MAD1L1: variants seen among roughly 807,000 people sequenced by gnomAD.
MAD1L1 encodes mitotic arrest deficient 1 like 1.
Under a neutral mutation model 96.9 loss-of-function variants are expected in MAD1L1, and 95 were observed. That is an observed-to-expected ratio of 0.98 (90% CI 0.83 to 1.16). The LOEUF is 1.16. MAD1L1 is among the 50% of genes most tolerant of loss of function. MAD1L1 has a pLI of 0.00. For synonymous variants in MAD1L1, 473 were observed against 396.6 expected (o/e 1.19, Z -2.29); for missense variants, 1,007 against 954.4 (o/e 1.06, Z -0.73).
intron 15 of MAD1L1, among the ~76,000 whole-genome samples, chr7:1,978,855 C>T (rs985224133): frequency 6.6e-6 from 1 of 152,176 alleles, no homozygotes; most frequent in African/African-American, 2.4e-5. Flanking sequence ...AAGGACGCCA[C>T]GGCACACACT....
At chr7:2,024,346 A>T (rs1182046439) in intron 12 of MAD1L1, among the ~76,000 whole-genome samples, 1 of 152,042 alleles carries the variant, frequency 6.6e-6, no homozygotes, top group Non-Finnish European at 1.5e-5. Context: ...TGGCCTGCCC[A>T]CCCCCAGCTC....
chr7:2,179,169 G>A (rs1334970663), intron 10 of MAD1L1, among the ~76,000 whole-genome samples: 1 of 152,150 alleles, frequency 6.6e-6, no homozygotes, highest in African/African-American at 2.4e-5. Flanking sequence ...CTCAAGAAGA[G>A]TGCGCCTGGG....
chr7:2,122,425 C>T (rs1049170358), intron 11 of MAD1L1, among the ~76,000 whole-genome samples: 3 of 152,032 alleles, frequency 2.0e-5, no homozygotes, highest in Non-Finnish European at 2.9e-5. Context: ...GTTGGGAGTT[C>T]GAGACCAGCC....
At chr7:2,221,147 T>A in intron 5 of MAD1L1, 1 of 852,140 alleles carries the variant, frequency 1.2e-6, no homozygotes, top group Non-Finnish European at 1.8e-6. Flanking sequence ...TTCCCCTCAC[T>A]ATGCCCCACC....
chr7:1,878,049 G>C (rs1229072706), intron 18 of MAD1L1, among the ~76,000 whole-genome samples: 3 of 152,064 alleles, frequency 2.0e-5, no homozygotes, highest in African/African-American at 7.2e-5. Context: ...GAATTATTAT[G>C]AATGATTTTA....
At chr7:2,083,528 A>G (rs957372544) in intron 11 of MAD1L1, among the ~76,000 whole-genome samples, 3 of 152,196 alleles carry the variant, frequency 2.0e-5, no homozygotes, top group South Asian at 2.1e-4. Context: ...CGGGCAGGTA[A>G]ATCAGCGGAG....
chr7:1,826,899 G>A (rs1273556299), intron 18 of MAD1L1, among the ~76,000 whole-genome samples: 2 of 152,188 alleles, frequency 1.3e-5, no homozygotes, highest in Admixed American at 1.3e-4. Context: ...TCCTTCAAGA[G>A]TGACTGGCGG....
intron 18 of MAD1L1, chr7:1,838,869 G>A (rs1047052418): frequency 4.2e-6 from 2 of 471,360 alleles, no homozygotes; most frequent in Non-Finnish European, 8.8e-6. Flanking sequence ...TGACTGACAG[G>A]TAAGACTACC....
chr7:1,906,222 C>A (rs1787622443), intron 17 of MAD1L1, among the ~76,000 whole-genome samples: 1 of 152,106 alleles, frequency 6.6e-6, no homozygotes, highest in Non-Finnish European at 1.5e-5. Flanking sequence ...CTGTAGGGTC[C>A]CCGAACCCCA....
chr7:2,222,602 T>C lies in MAD1L1; in HGVS notation c.444A>G (p.Lys148=). The change falls in exon 5 of 19, where the codon AAA becomes AAG. Residue 148 remains lysine, a synonymous_variant. Coordinates refer to ENST00000265854, the MANE Select transcript of MAD1L1 (RefSeq NM_001013836.2). ...CGCCAGCCTGGGCCAGACTGTCCTC[T>C]TTCTCACGCAGCCTCTTGCTGGCAG... ...LDAASKRLRE[K]EDSLAQAGET... is the part of the protein sequence containing the mutation. 1 of 1,611,330 alleles carries C rather than the reference T, an allele frequency of 6.2e-7. No homozygotes were observed. Among genetic ancestry groups the C allele is most frequent in the Non-Finnish European group, 8.5e-7 (1 of 1,179,040 alleles).
chr7:2,214,415 A>G (rs1171472741), intron 9 of MAD1L1, among the ~76,000 whole-genome samples: 1 of 152,202 alleles, frequency 6.6e-6, no homozygotes, highest in East Asian at 1.9e-4. Flanking sequence ...CGTGGGTCAC[A>G]GGGCCAAGGC....
intron 11 of MAD1L1, among the ~76,000 whole-genome samples, chr7:2,093,972 T>A (rs1358654572): frequency 2.6e-5 from 4 of 152,048 alleles, no homozygotes; most frequent in Admixed American, 6.5e-5. Context: ...GACAGGAACC[T>A]CAGAGCCACA....
chr7:2,201,152 C>T (rs933119751), intron 10 of MAD1L1, among the ~76,000 whole-genome samples: 3 of 147,782 alleles, frequency 2.0e-5, no homozygotes, highest in Non-Finnish European at 4.6e-5. Context: ...TGTGGAGCCC[C>T]GTAGCCTGCC....
chr7:2,092,359 AG>A (rs1786259683), intron 11 of MAD1L1, among the ~76,000 whole-genome samples: 1 of 152,102 alleles, frequency 6.6e-6, no homozygotes, highest in South Asian at 2.1e-4. Context: ...CCCAGGTTCA[AG>A]CAATCCTCCC....
At chr7:1,955,986 G>C (rs561646564) in intron 16 of MAD1L1, among the ~76,000 whole-genome samples, 1 of 140,234 alleles carries the variant, frequency 7.1e-6, no homozygotes, top group African/African-American at 2.5e-5. Context: ...TAAGGTGGGT[G>C]GGGGGGTGGG....
chr7:2,193,697 T>G (rs865787440), intron 10 of MAD1L1, among the ~76,000 whole-genome samples: 1 of 152,172 alleles, frequency 6.6e-6, no homozygotes. Flanking sequence ...TCCAGATTCC[T>G]CCGGAAAACC....
chr7:1,957,640 G>C lies in MAD1L1; in HGVS notation c.1585C>G (p.Arg529Gly), dbSNP rs1554307170. 2.5e-6 allele frequency: 4 copies of C among 1,613,906 alleles called. No individual in the cohort carries two copies. The highest frequency in any genetic ancestry group is 1.3e-5 in the African/African-American group (1 of 75,070). The change falls in exon 16 of 19, where the codon CGA becomes GGA. Residue 529 changes from arginine to glycine, a missense_variant. By Grantham distance (125) the Arg-to-Gly change is moderately radical. Transcript: ENST00000265854. ...KRMLEAQLER[R>G]ALQGDYDQSR... ...TGCCCCGCCCTCACCTGCAGAGCTC[G>C]CCGCTCCAGCTGTGCCTCCAGCATC...
At chr7:1,913,302 G>T (rs1788137665) in intron 17 of MAD1L1, among the ~76,000 whole-genome samples, 1 of 151,962 alleles carries the variant, frequency 6.6e-6, no homozygotes, top group African/African-American at 2.4e-5. Flanking sequence ...TCTGGGCGGG[G>T]TGGGTGCAGG....
At chr7:1,841,832 G>A (rs532921866) in intron 18 of MAD1L1, among the ~76,000 whole-genome samples, 2 of 152,214 alleles carry the variant, frequency 1.3e-5, no homozygotes, top group African/African-American at 4.8e-5. Context: ...CGGGTGCCTC[G>A]CTTCTGCCCT....
Sources: allele counts gnomAD v4.1 joint callset (sites outside exome capture counted in the v4.1 genomes callset), GRCh38; gene constraint gnomAD v4.1.1; transcripts MANE v1.5; gene names NCBI Gene and HGNC (gene_info 2026-07-23, HGNC 2026-07-21).